Variants in NAV2 observed in about 807,000 individuals in gnomAD.
NAV2 encodes the protein neuron navigator 2.
NAV2 carries 54 observed loss-of-function variants against 223.2 expected under a neutral mutation model. That is an observed-to-expected ratio of 0.24 (90% CI 0.19 to 0.30). The LOEUF (loss-of-function observed/expected upper bound fraction) is 0.30, where lower values mean the gene tolerates loss of function less well. Among genes scored for constraint, NAV2 ranks in the 10% least tolerant of loss-of-function variants. NAV2 has a pLI of 1.00. For missense variants in NAV2, 2,806 were observed against 3,147.5 expected (o/e 0.89, Z 2.60); for synonymous variants, 1,279 against 1,239.3 (o/e 1.03, Z -0.67).
intron 1 of NAV2, among the ~76,000 whole-genome samples, chr11:19,539,211 T>C (rs1436259691): frequency 6.6e-6 from 1 of 152,206 alleles, no homozygotes; most frequent in Admixed American, 6.5e-5. Flanking sequence ...TGGGGGTAGA[T>C]GAAGATTTTC....
intron 10 of NAV2, among the ~76,000 whole-genome samples, 186 bp downstream of exon 10, chr11:19,949,266 G>A (rs530275890): frequency 1.1e-4 from 16 of 152,298 alleles, no homozygotes; most frequent in African/African-American, 3.6e-4. Flanking sequence ...GAAGGCCTGG[G>A]TAGTCCAGGC....
chr11:19,731,602 G>A (rs59077223), intron 1 of NAV2, among the ~76,000 whole-genome samples: 2 of 152,202 alleles, frequency 1.3e-5, no homozygotes, highest in Non-Finnish European at 1.5e-5. Context: ...AATTCCAGGA[G>A]AGCATCTCAC....
At chr11:19,724,222 T>C (rs138943106) in intron 1 of NAV2, among the ~76,000 whole-genome samples, 84 of 152,298 alleles carry the variant, frequency 5.5e-4, no homozygotes, top group Non-Finnish European at 9.6e-4. Flanking sequence ...AACCCAAGCC[T>C]TCTGACTGTG....
At chr11:19,886,165 G>A (rs544443890) in intron 5 of NAV2, among the ~76,000 whole-genome samples, 7 of 150,554 alleles carry the variant, frequency 4.6e-5, no homozygotes, top group Non-Finnish European at 7.4e-5. Context: ...TTTTTTAAAG[G>A]TGGGGTCTCT....
At chr11:19,841,639 G>A (rs1234913200) in intron 2 of NAV2, among the ~76,000 whole-genome samples, 1 of 152,146 alleles carries the variant, frequency 6.6e-6, no homozygotes, top group East Asian at 1.9e-4. Flanking sequence ...GGTACAGGGT[G>A]CTGTGAGGAC....
intron 1 of NAV2, among the ~76,000 whole-genome samples, chr11:19,433,074 T>G (rs1454620967): frequency 1.3e-5 from 2 of 152,170 alleles, no homozygotes; most frequent in Non-Finnish European, 2.9e-5. Flanking sequence ...GGAGTTATGC[T>G]GTATAGAGGA....
At chr11:19,382,823 C>T (rs1848894766) in intron 1 of NAV2, among the ~76,000 whole-genome samples, 3 of 152,178 alleles carry the variant, frequency 2.0e-5, no homozygotes, top group African/African-American at 7.2e-5. Context: ...CCCAAGATTG[C>T]ATAGCTAGTA....
At chr11:20,005,548 G>A (rs2052987551) in intron 11 of NAV2, among the ~76,000 whole-genome samples, 1 of 138,226 alleles carries the variant, frequency 7.2e-6, no homozygotes, top group Non-Finnish European at 1.6e-5. Flanking sequence ...ACCCAGCCCA[G>A]TCATTCTTTA....
At chr11:19,624,302 A>T (rs1334493944) in intron 1 of NAV2, among the ~76,000 whole-genome samples, 1 of 152,208 alleles carries the variant, frequency 6.6e-6, no homozygotes, top group African/African-American at 2.4e-5. Flanking sequence ...GCTGTCAGAC[A>T]GGGACATTTA....
chr11:20,048,676 G>T, intron 14 of NAV2, 52 bp from the exon 15 acceptor site: 2 of 1,490,362 alleles, frequency 1.3e-6, no homozygotes, highest in Non-Finnish European at 1.9e-6. Flanking sequence ...TAACAGTCCG[G>T]TGCCCCTTGG....
rs746682457 is a variant in NAV2 at position 19,933,970 on chromosome 11, T to C, written c.1726T>C (p.Ser576Pro). ...KPGMKSMPGKSPSAPAPSKEG... is the reference protein window; with the variant it reads ...KPGMKSMPGKPPSAPAPSKEG... ...AGGAATGAAAAGCATGCCCGGGAAA[T>C]CCCCAAGTGCCCCAGCGCCTTCCAA... is the stretch of plus-strand genomic sequence containing the variant. The change falls in exon 7 of 38, where the codon TCC becomes CCC. Residue 576 changes from serine to proline, a missense_variant. Ser to Pro is a moderately conservative substitution (Grantham distance 74). Around this residue, in one of 4 missense-constraint regions of NAV2, gnomAD observed 1,167 missense variants for 1,180.5 expected, o/e 0.99. Transcript: ENST00000349880. This position sits in a 1 kb window ranked among gnomAD's most constrained non-coding sequence, Gnocchi z 4.3. 1.3e-6 allele frequency: 2 copies of C among 1,596,700 alleles called. No individual in the cohort carries two copies. Among genetic ancestry groups the C allele is most frequent in the Non-Finnish European group, 1.7e-6 (2 of 1,173,194 alleles).
At chr11:19,795,896 T>C (rs2057849238) in intron 1 of NAV2, among the ~76,000 whole-genome samples, 1 of 152,222 alleles carries the variant, frequency 6.6e-6, no homozygotes, top group Admixed American at 6.5e-5. Flanking sequence ...AGGCAATATA[T>C]ACTTTCATTT....
chr11:19,903,076 T>C (rs2042580785), intron 6 of NAV2, among the ~76,000 whole-genome samples: 1 of 152,190 alleles, frequency 6.6e-6, no homozygotes, highest in African/African-American at 2.4e-5. Flanking sequence ...TCAGTGACTC[T>C]CGCAAATAAA....
chr11:19,680,949 A>G (rs1185318642), intron 1 of NAV2, among the ~76,000 whole-genome samples: 8 of 152,250 alleles, frequency 5.3e-5, no homozygotes, highest in South Asian at 2.1e-4. Flanking sequence ...ACTTAGTTCT[A>G]TTATGAATAG....
At chr11:20,080,848 G>T (rs1214516652) in intron 25 of NAV2, among the ~76,000 whole-genome samples, 3 of 152,164 alleles carry the variant, frequency 2.0e-5, no homozygotes, top group Non-Finnish European at 4.4e-5. Flanking sequence ...TCTGGACAGT[G>T]GTGCCTTGAG....
At chr11:19,533,933 C>A (rs968129774) in intron 1 of NAV2, among the ~76,000 whole-genome samples, 2 of 149,664 alleles carry the variant, frequency 1.3e-5, no homozygotes, top group African/African-American at 5.1e-5. Flanking sequence ...GTCTCGATCT[C>A]CTGACCTCGT....
At chr11:19,924,462 T>A (rs1355189803) in intron 6 of NAV2, among the ~76,000 whole-genome samples, 1 of 152,220 alleles carries the variant, frequency 6.6e-6, no homozygotes. Flanking sequence ...GCTCCAGCTG[T>A]CGAGGGCCTC....
At chr11:19,836,241 C>G (rs935993666) in intron 2 of NAV2, among the ~76,000 whole-genome samples, 1 of 152,188 alleles carries the variant, frequency 6.6e-6, no homozygotes, top group African/African-American at 2.4e-5. Flanking sequence ...TCTCAACTGT[C>G]AGGTTTGGAA....
intron 1 of NAV2, among the ~76,000 whole-genome samples, chr11:19,717,993 T>C (rs2050441353): frequency 1.3e-5 from 2 of 152,100 alleles, no homozygotes; most frequent in South Asian, 2.1e-4. Flanking sequence ...CACCCACCCT[T>C]CCTCCAGGCC....
Sources: gnomAD v4.1 joint callset for allele counts (sites outside exome capture counted in the v4.1 genomes callset) on GRCh38, gnomAD v4.1.1 for gene constraint, gnomAD v4.1.1 regional missense constraint, Gnocchi (gnomAD v3.1) non-coding constraint, MANE v1.5 for transcripts, NCBI Gene and HGNC (gene_info 2026-07-23, HGNC 2026-07-21) for gene names.